Variants in CARD10 observed in about 807,000 individuals in gnomAD.
CARD10 encodes the protein caspase recruitment domain-containing protein 10.
A neutral mutation model predicts 114.6 loss-of-function variants in CARD10; 49 were observed. The ratio of observed to expected loss-of-function variants is 0.43; its 90% CI spans 0.34 to 0.54. CARD10 has a LOEUF of 0.54. CARD10 is among the 20% of genes least tolerant of loss of function. The pLI is 0.03. For synonymous variants in CARD10, 602 were observed against 593.2 expected (o/e 1.01, Z -0.21); for missense variants, 1,206 against 1,397.2 (o/e 0.86, Z 2.18).
chr22:37,518,928 C>T (rs1291948846), intron 1 of CARD10, 38 bp downstream of exon 1: 4 of 1,488,164 alleles, frequency 2.7e-6, no homozygotes, highest in Non-Finnish European at 3.6e-6. Flanking sequence ...AGGGCACGGC[C>T]GGCCCAGGTC....
chr22:37,491,882 G>A lies in CARD10; in HGVS notation c.2752-15C>T, dbSNP rs780935781. On this transcript the variant is annotated splice_polypyrimidine_tract_variant and intron_variant, in intron 18 of 19. Transcript: ENST00000251973. Reference sequence around the variant, plus strand: ...AGGCAGTGCTTCTGCTTGGAGGATCGAGGCTACAATGTACTCCTGGGCCAC... The same window carrying A: ...AGGCAGTGCTTCTGCTTGGAGGATCAAGGCTACAATGTACTCCTGGGCCAC... The A allele has an allele frequency of 6.3e-6, 10 of 1,577,066 alleles. No homozygotes were observed. Among genetic ancestry groups the A allele is most frequent in the East Asian group, 4.5e-5 (2 of 44,674 alleles).
In CARD10 at chr22:37,491,859, G is replaced by A. The variant is rs1922814969; in HGVS notation, c.2760C>T (p.Cys920=). 1 of 1,605,916 alleles carries A rather than the reference G, an allele frequency of 6.2e-7. No individual in the cohort carries two copies. Among genetic ancestry groups the A allele is most frequent in the Non-Finnish European group, 8.5e-7 (1 of 1,177,798 alleles). ...AIQESVGKKH[C]LLELGARGVR... ...CACCCCGAGCACCCAGCTCCAGCAGGCAGTGCTTCTGCTTGGAGGATCGAG... is the reference window on the plus strand; with the variant it reads ...CACCCCGAGCACCCAGCTCCAGCAGACAGTGCTTCTGCTTGGAGGATCGAG... Residue 920 remains cysteine (C), a synonymous_variant, in exon 19 of 20, where the codon TGC becomes TGT. Transcript: ENST00000251973.
At position 37,496,512 on chromosome 22, in the gene CARD10, C is replaced by T; in HGVS notation, c.1996G>A (p.Ala666Thr). The change falls in exon 13 of 20, where the codon GCC (alanine) becomes ACC (threonine). Residue 666 changes from alanine (A) to threonine (T), a missense_variant. Transcript: ENST00000251973. The surrounding 1 kb of genome is among the most constrained non-coding windows in gnomAD (Gnocchi z 4.1). Reference protein sequence around the residue: ...GLEGACLEAEAQQRTLLWNQG... With the variant: ...GLEGACLEAETQQRTLLWNQG... Reference sequence around the variant, plus strand: ...TTCCAGAGCAAGGTTCTCTGCTGGGCCTCGGCTTCCAGGCACGCCCCCTCC... The same window carrying T: ...TTCCAGAGCAAGGTTCTCTGCTGGGTCTCGGCTTCCAGGCACGCCCCCTCC... 6.2e-7 allele frequency: 1 copy of T among 1,613,908 alleles called. No individual in the cohort carries two copies. The highest frequency in any genetic ancestry group is 8.5e-7 in the Non-Finnish European group (1 of 1,179,944).
chr22:37,496,955 AG>A lies in CARD10; in HGVS notation c.1947+63del. On this transcript the variant is annotated intron_variant, in intron 12 of 19. Transcript: ENST00000251973. This position sits in a 1 kb window ranked among gnomAD's most constrained non-coding sequence, Gnocchi z 4.1. ...CCGGTGATCTTGATCCACCAAATTA[AG>A]GGATGTCCAGCCTGGGCAAAAGCAC... 1.3e-6 allele frequency: 2 copies of A among 1,500,392 alleles called. No homozygotes were observed. The highest frequency in any genetic ancestry group is 1.8e-6 in the Non-Finnish European group (2 of 1,119,168). 92.9% of individuals were successfully genotyped at this position (1,500,392 alleles called of 1,614,324 possible).
At position 37,496,658 on chromosome 22, in the gene CARD10, C is replaced by T; in HGVS notation, c.1948-98G>A. ...GACCAGGTGTGGGGGTGTTTCATGC[C>T]TCACAGTTCAGATAGCGCCCCCTCA... On this transcript the variant is annotated intron_variant, in intron 12 of 19. Coordinates refer to ENST00000251973, the MANE Select transcript of CARD10 (RefSeq NM_014550.4). The surrounding 1 kb of genome is among the most constrained non-coding windows in gnomAD (Gnocchi z 4.1). 1 of 858,434 alleles carries T rather than the reference C, an allele frequency of 1.2e-6. No homozygotes were observed. Among genetic ancestry groups the T allele is most frequent in the Non-Finnish European group, 1.9e-6 (1 of 532,540 alleles). 53.2% of individuals were successfully genotyped at this position (858,434 alleles called of 1,614,324 possible).
chr22:37,496,581 G>A lies in CARD10; in HGVS notation c.1948-21C>T, dbSNP rs1281577542. On this transcript the variant is annotated intron_variant, in intron 12 of 19. Coordinates refer to ENST00000251973, the MANE Select transcript of CARD10 (RefSeq NM_014550.4). The surrounding 1 kb of genome is among the most constrained non-coding windows in gnomAD (Gnocchi z 4.1). Reference sequence around the variant, plus strand: ...CTTTGCTGGGAGAAAACCCAGGCAGGGAGGGAAAGAAGTGAGCCTCTGAGA... The same window carrying A: ...CTTTGCTGGGAGAAAACCCAGGCAGAGAGGGAAAGAAGTGAGCCTCTGAGA... 1 of 1,577,010 alleles carries A rather than the reference G, an allele frequency of 6.3e-7. No homozygotes were observed. Among genetic ancestry groups the A allele is most frequent in the African/African-American group, 1.3e-5 (1 of 74,232 alleles).
At chr22:37,513,407 G>A (rs1290674498) in intron 3 of CARD10, among the ~76,000 whole-genome samples, 1 of 152,122 alleles carries the variant, frequency 6.6e-6, no homozygotes, top group African/African-American at 2.4e-5. Context: ...ACTGCGCCTG[G>A]CCAATTTCAC....
At chr22:37,506,775 A>G (rs1022557474) in intron 6 of CARD10, among the ~76,000 whole-genome samples, 6 of 152,150 alleles carry the variant, frequency 3.9e-5, no homozygotes, top group Non-Finnish European at 8.8e-5. Flanking sequence ...AGTCAAACCC[A>G]GCCCACTGCA....
chr22:37,519,078 G>C lies in CARD10; in HGVS notation c.123C>G (p.Ala41=). ...ACGGCGTGAGCTTGGCCGGGTTCAG[G>C]GCGCGAGCCAGCCGATGCCGGACGC... is the stretch of plus-strand genomic sequence containing the variant. The part of the protein sequence containing the change: ...IEGVRHRLAR[A]LNPAKLTPYL... The change falls in exon 1 of 20, where the codon GCC becomes GCG. Residue 41 remains alanine (A), a synonymous_variant. Coordinates refer to ENST00000251973, the MANE Select transcript of CARD10 (RefSeq NM_014550.4). The surrounding 1 kb of genome is among the most constrained non-coding windows in gnomAD (Gnocchi z 4.1). 4 of 1,587,802 alleles carry C rather than the reference G, an allele frequency of 2.5e-6. No individual in the cohort carries two copies. The highest frequency in any genetic ancestry group is 3.4e-6 in the Non-Finnish European group (4 of 1,174,746).
chr22:37,491,397 C>T lies in CARD10; in HGVS notation c.2865-4G>A. 2 of 1,475,948 alleles carry T rather than the reference C, an allele frequency of 1.4e-6. No individual in the cohort carries two copies. The highest frequency in any genetic ancestry group is 9.0e-7 in the Non-Finnish European group (1 of 1,114,636). 91.4% of individuals were successfully genotyped at this position (1,475,948 alleles called of 1,614,324 possible). ...GCCCGGCCGGCCCAGCAGACCCCTG[C>T]CGAGAGAAGAGTGAGCAGCGGTCAA... On this transcript the variant is annotated splice_region_variant and splice_polypyrimidine_tract_variant and intron_variant, in intron 19 of 19. Coordinates refer to ENST00000251973, the MANE Select transcript of CARD10 (RefSeq NM_014550.4).
Position 37,509,155 on chromosome 22 carries a change from C to T in CARD10, c.910-473G>A, listed in dbSNP as rs6000753. 1.1e-3 allele frequency: 1,594 copies of T among 1,465,336 alleles called. 19 individuals are homozygous for T. In the African/African-American group the frequency reaches 0.019, roughly 18 times the overall value. The allele number at this position is 1,465,336 out of a possible 1,614,324, so 90.8% of individuals were successfully genotyped here. A position where few individuals can be genotyped will look rare whatever the true frequency, so the allele number is the denominator to read the frequency against. ...CCCACACCCCAGCCAAGTGCCCCAA[C>T]CCCATGAAACACACTGGCTCTCATC... On this transcript the variant is annotated intron_variant, in intron 4 of 19. Coordinates refer to ENST00000251973, the MANE Select transcript of CARD10 (RefSeq NM_014550.4).
chr22:37,497,258 G>A, intron 11 of CARD10, 80 bp from the exon 12 acceptor site: 1 of 1,447,246 alleles, frequency 6.9e-7, no homozygotes, highest in Non-Finnish European at 9.4e-7. Context: ...AAACCACAGT[G>A]ATTTCATTTC....
chr22:37,518,131 A>T, intron 1 of CARD10, 23 bp from the exon 2 acceptor site: 1 of 1,608,302 alleles, frequency 6.2e-7, no homozygotes, highest in Middle Eastern at 1.7e-4. Context: ...GGGGGGATGT[A>T]CCCAGGGTCT....
In CARD10 at chr22:37,501,890, C is replaced by T. The variant is rs1923227726; in HGVS notation, c.1787+712G>A. On this transcript the variant is annotated intron_variant, in intron 11 of 19. Transcript: ENST00000251973. The surrounding 1 kb of genome is among the most constrained non-coding windows in gnomAD (Gnocchi z 5.4). ...ACTTTCCCAGCCTGACTCAGGAAGC[C>T]TTGACTTTCGCCCTTCCCCCTCGCT... is the stretch of plus-strand genomic sequence containing the variant. 6.6e-6 allele frequency among the ~76,000 whole-genome samples: 1 copy of T among 152,190 alleles called. No homozygotes were observed. Among genetic ancestry groups the T allele is most frequent in the Admixed American group, 6.5e-5 (1 of 15,284 alleles).
In CARD10 at chr22:37,516,021, A is replaced by G; in HGVS notation, c.651T>C (p.Ser217=). The change falls in exon 3 of 20, where the codon AGT becomes AGC. Residue 217 remains serine, a synonymous_variant. Transcript: ENST00000251973. ...GAAGTACAGCCGAGTTCTTCTCCTC[A>G]CTGAGCTGTGCCAGGCGCATGGCGA... ...YMIAMRLAQL[S]EEKNSAVLRS... The G allele has an allele frequency of 1.2e-6, 2 of 1,601,880 alleles. No individual in the cohort carries two copies. Among genetic ancestry groups the G allele is most frequent in the South Asian group, 1.1e-5 (1 of 89,208 alleles).
At chr22:37,518,728 T>C (rs1354275612) in intron 1 of CARD10, among the ~76,000 whole-genome samples, 2 of 152,096 alleles carry the variant, frequency 1.3e-5, no homozygotes, top group African/African-American at 2.4e-5. Context: ...ACCCAGGAAG[T>C]GGGAGAGAAC....
intron 11 of CARD10, among the ~76,000 whole-genome samples, chr22:37,499,701 G>A (rs1022730701): frequency 6.6e-6 from 1 of 152,134 alleles, no homozygotes; most frequent in Non-Finnish European, 1.5e-5. Flanking sequence ...TGACTTCTCT[G>A]AGCCTCCACA....
In CARD10 at chr22:37,504,755, G is replaced by A. The variant is rs3817805; in HGVS notation, c.1398C>T (p.Ser466=). ...GGTCLKACAS[S]HSLCSNLSST... is the part of the protein sequence containing the mutation. Reference sequence around the variant, plus strand: ...TGCTGAGGTTGGAGCACAGGGAATGGGAGGAGGCACAGGCCTGGAAGAGGG... The same window carrying A: ...TGCTGAGGTTGGAGCACAGGGAATGAGAGGAGGCACAGGCCTGGAAGAGGG... The change falls in exon 8 of 20, where the codon TCC becomes TCT. Residue 466 remains serine (S), a synonymous_variant. Transcript: ENST00000251973. 0.11 allele frequency: 167,118 copies of A among 1,553,088 alleles called. 10,256 individuals carry two copies. The highest frequency in any genetic ancestry group is 0.27 in the East Asian group (11,118 of 41,498).
At chr22:37,504,852 GC>G in intron 7 of CARD10, 83 bp from the exon 8 acceptor site, 1 of 743,914 alleles carries the variant, frequency 1.3e-6, no homozygotes, top group Non-Finnish European at 2.0e-6. Context: ...CCTGCCATGT[GC>G]CAGCACAGGG....
Sources: gnomAD v4.1 joint callset for allele counts (sites outside exome capture counted in the v4.1 genomes callset) on GRCh38, gnomAD v4.1.1 for gene constraint, Gnocchi (gnomAD v3.1) non-coding constraint, MANE v1.5 for transcripts, NCBI Gene and HGNC (gene_info 2026-07-23, HGNC 2026-07-21) for gene names.